TET1: variants seen among roughly 807,000 people sequenced by gnomAD.
The protein encoded by TET1 is methylcytosine dioxygenase TET1.
TET1 carries 13 observed loss-of-function variants against 148.7 expected under a neutral mutation model. That is an observed-to-expected ratio of 0.09 (90% confidence interval 0.06 to 0.14). The LOEUF (loss-of-function observed/expected upper bound fraction) is 0.14, where lower values mean the gene tolerates loss of function less well. Among genes scored for constraint, TET1 ranks in the 10% least tolerant of loss-of-function variants. TET1 has a pLI of 1.00. For synonymous variants in TET1, 907 were observed against 937.2 expected (o/e 0.97, Z 0.59); for missense variants, 2,182 against 2,553.8 (o/e 0.85, Z 3.14).
In TET1 at chr10:68,646,133, A is replaced by G. The variant is rs769774562; in HGVS notation, c.3404A>G (p.His1135Arg). 19 of 1,613,336 alleles carry G rather than the reference A, an allele frequency of 1.2e-5. No homozygotes were observed. The highest frequency in any genetic ancestry group is 1.7e-5 in the Admixed American group (1 of 59,796). ...QKPPSSVHNN[H>R]GSSLTKQKNP... Reference sequence around the variant, plus strand: ...CCACCTTCAAGTGTACACAATAATCATGGTTCATCATTAACAAAACAAAAG... The same window carrying G: ...CCACCTTCAAGTGTACACAATAATCGTGGTTCATCATTAACAAAACAAAAG... The change falls in exon 4 of 12, where the codon CAT becomes CGT. Residue 1135 changes from histidine (H) to arginine (R), a missense_variant. By Grantham distance (29) the His-to-Arg change is conservative (BLOSUM62 0). Coordinates refer to ENST00000373644, the MANE Select transcript of TET1 (RefSeq NM_030625.3).
At chr10:68,597,660 A>T (rs895501988) in intron 2 of TET1, among the ~76,000 whole-genome samples, 1 of 152,226 alleles carries the variant, frequency 6.6e-6, no homozygotes, top group East Asian at 1.9e-4. Context: ...ACCTATGTTC[A>T]TAGCAGTAAT....
chr10:68,689,284 G>C (rs2055558783), intron 11 of TET1, among the ~76,000 whole-genome samples: 1 of 152,146 alleles, frequency 6.6e-6, no homozygotes, highest in Non-Finnish European at 1.5e-5. Context: ...CAGAGCTTCT[G>C]AAATTGATCA....
At chr10:68,595,647 C>T (rs1352470628) in intron 2 of TET1, among the ~76,000 whole-genome samples, 1 of 97,526 alleles carries the variant, frequency 1.0e-5, no homozygotes, top group African/African-American at 3.9e-5. Context: ...GGTGTAGTCT[C>T]ATTATGTCAC....
chr10:68,679,012 C>T (rs2055401177), intron 8 of TET1, among the ~76,000 whole-genome samples: 1 of 151,856 alleles, frequency 6.6e-6, no homozygotes. Context: ...CCTGTCTCTA[C>T]TAAAAATGGA....
At chr10:68,616,154 C>T (rs962160118) in intron 3 of TET1, among the ~76,000 whole-genome samples, 1 of 152,130 alleles carries the variant, frequency 6.6e-6, no homozygotes, top group African/African-American at 2.4e-5. Flanking sequence ...TGATACAATG[C>T]TATTATTTCA....
At position 68,691,251 on chromosome 10, in the gene TET1, C is replaced by A. The variant is rs1416995594; in HGVS notation, c.5848C>A (p.Gln1950Lys). ...CCAGCCCTCCTTCCTCACCTCTCCT[C>A]AAGACCTTGCCTCTTCTCCAATGGA... ...NHQPSFLTSP[Q>K]DLASSPMEED... Residue 1950 changes from glutamine (Q) to lysine (K), a missense_variant, in exon 12 of 12, where the codon CAA becomes AAA. By Grantham distance (53) the Gln-to-Lys change is moderately conservative. Coordinates refer to ENST00000373644, the MANE Select transcript of TET1 (RefSeq NM_030625.3). This position sits in a 1 kb window ranked among gnomAD's most constrained non-coding sequence, Gnocchi z 4.4. The A allele has an allele frequency of 6.2e-7, 1 of 1,614,178 alleles. No individual in the cohort carries two copies. Among genetic ancestry groups the A allele is most frequent in the Non-Finnish European group, 8.5e-7 (1 of 1,180,044 alleles).
intron 3 of TET1, among the ~76,000 whole-genome samples, chr10:68,609,740 T>A (rs969334249): frequency 3.3e-5 from 5 of 151,910 alleles, no homozygotes; most frequent in East Asian, 1.9e-4. Flanking sequence ...TTTGGTTATT[T>A]TATATATATA....
At position 68,627,322 on chromosome 10, in the gene TET1, A is replaced by G. The variant is rs572027561; in HGVS notation, c.1969-17376A>G. ...CTACTCAGGAGGCTGAGACAGGAGA[A>G]TCACTTGAATCCGGGAGGCAGAGGT... is the stretch of plus-strand genomic sequence containing the variant. On this transcript the variant is annotated intron_variant, in intron 3 of 11. Coordinates refer to ENST00000373644, the MANE Select transcript of TET1 (RefSeq NM_030625.3). 2.0e-5 allele frequency among the ~76,000 whole-genome samples: 3 copies of G among 151,806 alleles called. No individual in the cohort carries two copies. In the East Asian group the frequency reaches 5.8e-4, roughly 29 times the overall value.
chr10:68,631,839 G>T (rs1177723521), intron 3 of TET1, among the ~76,000 whole-genome samples: 1 of 151,998 alleles, frequency 6.6e-6, no homozygotes, highest in Non-Finnish European at 1.5e-5. Context: ...GAACTGACTA[G>T]AGACCCAAGA....
Position 68,692,053 on chromosome 10 carries a change from G to T in TET1, c.*239G>T. On this transcript the variant is annotated 3_prime_UTR_variant, in exon 12 of 12. Transcript: ENST00000373644. ...AGTTTTATAGTTTTAAATACATAAA[G>T]AAATGTTTCAGTTAGGCATTAACCT... is the stretch of plus-strand genomic sequence containing the variant. 1 of 474,062 alleles carries T rather than the reference G, an allele frequency of 2.1e-6. No homozygotes were observed. Among genetic ancestry groups the T allele is most frequent in the Non-Finnish European group, 3.7e-6 (1 of 273,386 alleles). 29.4% of individuals were successfully genotyped at this position (474,062 alleles called of 1,614,324 possible).
At chr10:68,578,552 G>T (rs560394767) in intron 2 of TET1, among the ~76,000 whole-genome samples, 2 of 152,154 alleles carry the variant, frequency 1.3e-5, no homozygotes, top group East Asian at 3.9e-4. Flanking sequence ...GCTGATTTTT[G>T]ATTCTTTATA....
In TET1 at chr10:68,573,424, C is replaced by T. The variant is rs1343698939; in HGVS notation, c.1086C>T (p.Thr362=). 6.2e-7 allele frequency: 1 copy of T among 1,614,166 alleles called. No individual in the cohort carries two copies. Among genetic ancestry groups the T allele is most frequent in the Non-Finnish European group, 8.5e-7 (1 of 1,180,034 alleles). Residue 362 remains threonine (T), a synonymous_variant, in exon 2 of 12, where the codon ACC becomes ACT. Transcript: ENST00000373644. ...TANQQEVSDT[T]SFLGQAFGAI... is the part of the protein sequence containing the mutation. ...ATCAACAGGAAGTTTCTGATACCACCTCTTTCCTAGGACAGGCCTTTGGTG... is the reference window on the plus strand; with the variant it reads ...ATCAACAGGAAGTTTCTGATACCACTTCTTTCCTAGGACAGGCCTTTGGTG...
In TET1 at chr10:68,572,702, G is replaced by A. The variant is rs751344073; in HGVS notation, c.364G>A (p.Val122Ile). ...GCGACTCTCCCAACCCCCACTGGTC[G>A]TAGCCAAATCCAAAAAGGTTCCACT... ...SRRLSQPPLV[V>I]AKSKKVPLSK... is the part of the protein sequence containing the mutation. The change falls in exon 2 of 12, where the codon GTA becomes ATA. Residue 122 changes from valine (V) to isoleucine (I), a missense_variant. Physicochemically the swap from Val to Ile is conservative, Grantham distance 29. Around this residue, in one of 11 missense-constraint regions of TET1, gnomAD observed 665 missense variants for 672.4 expected, o/e 0.99. Coordinates refer to ENST00000373644, the MANE Select transcript of TET1 (RefSeq NM_030625.3). 66 of 1,613,992 alleles carry A rather than the reference G, an allele frequency of 4.1e-5. No homozygotes were observed. Among genetic ancestry groups the A allele is most frequent in the Middle Eastern group, 3.3e-4 (2 of 6,084 alleles).
At chr10:68,600,906 C>T in intron 2 of TET1, 75 bp from the exon 3 acceptor site, 1 of 1,325,456 alleles carries the variant, frequency 7.5e-7, no homozygotes, top group Non-Finnish European at 1.1e-6. Context: ...AGAGAAATAG[C>T]CAAAAATTTT....
chr10:68,620,530 T>C (rs2054355253), intron 3 of TET1, among the ~76,000 whole-genome samples: 1 of 152,216 alleles, frequency 6.6e-6, no homozygotes, highest in Non-Finnish European at 1.5e-5. Context: ...ATTATGTATA[T>C]AGCTCATTTT....
chr10:68,636,109 T>C (rs1337781886), intron 3 of TET1, among the ~76,000 whole-genome samples: 1 of 152,176 alleles, frequency 6.6e-6, no homozygotes, highest in Non-Finnish European at 1.5e-5. Flanking sequence ...AATGACAGTT[T>C]GAGGCAGATT....
In TET1 at chr10:68,574,268, A is replaced by G. The variant is rs1231541401; in HGVS notation, c.1914+16A>G. 6.3e-7 allele frequency: 1 copy of G among 1,597,634 alleles called. No individual in the cohort carries two copies. Among genetic ancestry groups the G allele is most frequent in the Admixed American group, 1.7e-5 (1 of 58,226 alleles). Reference sequence around the variant, plus strand: ...GCCTCTGGAGGTAAGCAAACAGTCAAGGGGCTGGGAGACAGCTGACACTTG... The same window carrying G: ...GCCTCTGGAGGTAAGCAAACAGTCAGGGGGCTGGGAGACAGCTGACACTTG... On this transcript the variant is annotated intron_variant, in intron 2 of 11. Transcript: ENST00000373644.
intron 2 of TET1, among the ~76,000 whole-genome samples, chr10:68,593,197 A>G (rs1589058863): frequency 7.2e-6 from 1 of 139,816 alleles, no homozygotes; most frequent in South Asian, 2.3e-4. Context: ...GCGCCACTGC[A>G]CTCCAGCCTG....
In TET1 at chr10:68,646,556, C is replaced by G; in HGVS notation, c.3827C>G (p.Ala1276Gly). 6.2e-7 allele frequency: 1 copy of G among 1,614,170 alleles called. No homozygotes were observed. ...CTTAAAACGGAATCCAACGGGAAGG[C>G]ATTCACTGATAAAGCTTATAATTCT... is the stretch of plus-strand genomic sequence containing the variant. ...FHLKTESNGK[A>G]FTDKAYNSQV... The change falls in exon 4 of 12, where the codon GCA (alanine) becomes GGA (glycine). Residue 1276 changes from alanine (A) to glycine (G), a missense_variant. Ala to Gly is a moderately conservative substitution (Grantham distance 60). This residue lies in a region of TET1 where 582 missense variants were observed against 599.5 expected (regional missense o/e 0.97). Transcript: ENST00000373644.
Sources: allele counts gnomAD v4.1 joint callset (sites outside exome capture counted in the v4.1 genomes callset), GRCh38; gene constraint gnomAD v4.1.1; regional missense constraint gnomAD v4.1.1; non-coding constraint Gnocchi (gnomAD v3.1); transcripts MANE v1.5; gene names NCBI Gene and HGNC (gene_info 2026-07-23, HGNC 2026-07-21).